LILRA1: variants seen among roughly 807,000 people sequenced by gnomAD.
The protein encoded by LILRA1 is leukocyte immunoglobulin-like receptor subfamily A member 1.
Under a neutral mutation model 51.6 loss-of-function variants are expected in LILRA1, and 51 were observed. The ratio of observed to expected loss-of-function variants is 0.99; its 90% CI spans 0.79 to 1.25. LILRA1 has a LOEUF of 1.25. Among genes scored for constraint, LILRA1 ranks in the 50% most tolerant of loss-of-function variants. The probability of loss-of-function intolerance (pLI) is 0.00; values close to 1 mark genes in which losing one functional copy is unlikely to be tolerated. For synonymous variants in LILRA1, 305 were observed against 248.4 expected, an observed-to-expected ratio of 1.23 and a Z score of -2.14; for missense variants, 660 against 611.7, an observed-to-expected ratio of 1.08 and a Z score of -0.83.
rs1246857258 is a variant in LILRA1, at chr19:54,600,469, G to T, written c.1313-43G>T. The T allele has an allele frequency of 3.1e-6, 5 of 1,604,830 alleles. No homozygotes were observed. The Admixed American group carries it at 5.0e-5, about 16-fold the overall frequency. Reference sequence around the variant, plus strand: ...GAAGATAAGAATGCAGAGCCCAGGGGAGAGGCTGGCTCAGGGCTCTTCCCC... The same window carrying T: ...GAAGATAAGAATGCAGAGCCCAGGGTAGAGGCTGGCTCAGGGCTCTTCCCC... On this transcript the variant is annotated intron_variant, in intron 8 of 9. Transcript: ENST00000251372.
Position 54,594,666 on chromosome 19 carries a change from G to A in LILRA1, c.72G>A (p.Gly24=), listed in dbSNP as rs765286954. 9.3e-6 allele frequency: 15 copies of A among 1,612,288 alleles called. No individual in the cohort carries two copies. Among genetic ancestry groups the A allele is most frequent in the Non-Finnish European group, 1.3e-5 (15 of 1,179,234 alleles). ...SLGPRTHVQA[G]TLPKPTLWAE... ...ATCTGAACTCTGATTTCCTTCCAGG[G>A]ACCCTCCCCAAGCCCACACTCTGGG... is the stretch of plus-strand genomic sequence containing the variant. Residue 24 remains glycine, a splice_region_variant and synonymous_variant, in exon 4 of 10, where the codon GGG becomes GGA. Coordinates refer to ENST00000251372, the MANE Select transcript of LILRA1 (RefSeq NM_006863.4).
In LILRA1 at chr19:54,596,371, G is replaced by C; in HGVS notation, c.1141G>C (p.Glu381Gln). 6.2e-7 allele frequency: 1 copy of C among 1,614,072 alleles called. No individual in the cohort carries two copies. Among genetic ancestry groups the C allele is most frequent in the Non-Finnish European group, 8.5e-7 (1 of 1,179,998 alleles). ...ACACGAATATCCTAAGTACCAGGCTGAATTCCCTATGAGTCCTGTGACCTC... is the reference window on the plus strand; with the variant it reads ...ACACGAATATCCTAAGTACCAGGCTCAATTCCCTATGAGTCCTGTGACCTC... ...SIHEYPKYQAEFPMSPVTSAH... is the reference protein window; with the variant it reads ...SIHEYPKYQAQFPMSPVTSAH... Residue 381 changes from glutamate (E) to glutamine (Q), a missense_variant, in exon 7 of 10, where the codon GAA becomes CAA. Physicochemically the swap from Glu to Gln is conservative, Grantham distance 29. Transcript: ENST00000251372.
rs1974982 is a variant in LILRA1 at position 54,594,278 on chromosome 19, A to T, written c.34A>T (p.Arg12Trp). The change falls in exon 2 of 10, where the codon AGG becomes TGG. Residue 12 changes from arginine (R) to tryptophan (W), a missense_variant and splice_region_variant. Transcript: ENST00000251372. The stretch of plus-strand genomic sequence containing the variant: ...CATCGTCACAGTCCTGATCTGTCTC[A>T]GTGAGATTTGAAGAGGGAGGGGAGC... ...TPIVTVLICLRLSLGPRTHVQ... is the reference protein window; with the variant it reads ...TPIVTVLICLWLSLGPRTHVQ... The T allele has an allele frequency of 6.2e-7, 1 of 1,604,452 alleles. No homozygotes were observed. Among genetic ancestry groups the T allele is most frequent in the Non-Finnish European group, 8.5e-7 (1 of 1,174,532 alleles).
At position 54,594,716 on chromosome 19, in the gene LILRA1, AG is replaced by A. The variant is rs773855809; in HGVS notation, c.126del (p.Ser43ValfsTer3). 14 of 1,613,910 alleles carry A rather than the reference AG, an allele frequency of 8.7e-6. No individual in the cohort carries two copies. The highest frequency in any genetic ancestry group is 1.2e-5 in the Non-Finnish European group (14 of 1,179,870). ...LWAEPGSVIT[Q>X]GSPVTLWCQG... is the part of the protein sequence containing the mutation. ...GCTGAGCCAGGCTCTGTGATCACCCAGGGGAGTCCCGTGACCCTCTGGTGTC... is the reference window on the plus strand; with the variant it reads ...GCTGAGCCAGGCTCTGTGATCACCCAGGGAGTCCCGTGACCCTCTGGTGTC... On this transcript the variant is annotated frameshift_variant, in exon 4 of 10. Transcript: ENST00000251372. LOFTEE classifies it high-confidence loss of function.
chr19:54,598,577 T>C (rs2063107034), intron 7 of LILRA1, among the ~76,000 whole-genome samples: 1 of 152,148 alleles, frequency 6.6e-6, no homozygotes, highest in Admixed American at 6.5e-5. Flanking sequence ...TAAATAAACG[T>C]CTTTTATATG....
chr19:54,599,247 A>G lies in LILRA1; in HGVS notation c.1273A>G (p.Thr425Ala). The G allele has an allele frequency of 1.9e-6, 3 of 1,573,972 alleles. No individual in the cohort carries two copies. The highest frequency in any genetic ancestry group is 2.2e-5 in the South Asian group (2 of 90,670). ...GTTTTGATTCTCAGGAGCAGCTGAGACCCTCAGCCCACCACAAAACAAGTC... is the reference window on the plus strand; with the variant it reads ...GTTTTGATTCTCAGGAGCAGCTGAGGCCCTCAGCCCACCACAAAACAAGTC... ...LELMVSGAAE[T>A]LSPPQNKSDS... The change falls in exon 8 of 10, where the codon ACC becomes GCC. Residue 425 changes from threonine (T) to alanine (A), a missense_variant. By Grantham distance (58) the Thr-to-Ala change is moderately conservative. Coordinates refer to ENST00000251372, the MANE Select transcript of LILRA1 (RefSeq NM_006863.4).
chr19:54,596,980 T>C (rs8103220), intron 7 of LILRA1, among the ~76,000 whole-genome samples: 20,762 of 111,362 alleles, frequency 0.19, 2,992 homozygotes, highest in African/African-American at 0.41. Flanking sequence ...CCCACCCTTG[T>C]AGTCTCAGTA....
In LILRA1 at chr19:54,595,127, C is replaced by T. The variant is rs757337221; in HGVS notation, c.386C>T (p.Ala129Val). The change falls in exon 5 of 10, where the codon GCT becomes GTT. Residue 129 changes from alanine to valine, a missense_variant. Physicochemically the swap from Ala to Val is moderately conservative, Grantham distance 64 (BLOSUM62 0). Coordinates refer to ENST00000251372, the MANE Select transcript of LILRA1 (RefSeq NM_006863.4). The part of the protein sequence containing the change: ...TGAYIKPTLS[A>V]LPSPVVTSGG... The stretch of plus-strand genomic sequence containing the variant: ...GCCTACATCAAACCCACCCTCTCAG[C>T]TCTACCCAGCCCTGTGGTGACCTCA... 32 of 1,613,900 alleles carry T rather than the reference C, an allele frequency of 2.0e-5. No individual in the cohort carries two copies. In the Admixed American group the frequency reaches 4.7e-4, roughly 24 times the overall value.
Position 54,600,822 on chromosome 19 carries a change from C to T in LILRA1, c.*5C>T. ...CACAGCCAGAGAAGCCTCTGAGATG[C>T]AGCCGGGAGGTGAACAGCAGAGAGA... On this transcript the variant is annotated 3_prime_UTR_variant, in exon 10 of 10. Transcript: ENST00000251372. The T allele has an allele frequency of 1.2e-6, 2 of 1,613,918 alleles. No individual in the cohort carries two copies. Among genetic ancestry groups the T allele is most frequent in the Non-Finnish European group, 1.7e-6 (2 of 1,179,830 alleles).
At position 54,601,140 on chromosome 19, in the gene LILRA1, T is replaced by C; in HGVS notation, c.*323T>C. 2.2e-6 allele frequency: 1 copy of C among 446,150 alleles called. No homozygotes were observed. The highest frequency in any genetic ancestry group is 4.1e-6 in the Non-Finnish European group (1 of 242,338). 27.6% of individuals were successfully genotyped at this position (446,150 alleles called of 1,614,324 possible). ...CATGGCAGCGTTGGGTCCACACCTC[T>C]GCACATCTGTGTGCTCTGGTCCATG... On this transcript the variant is annotated 3_prime_UTR_variant, in exon 10 of 10. Transcript: ENST00000251372.
chr19:54,594,903 C>A lies in LILRA1; in HGVS notation c.309C>A (p.His103Gln), dbSNP rs200145256. Residue 103 changes from histidine (H) to glutamine (Q), a missense_variant, in exon 4 of 10, where the codon CAC (histidine) becomes CAA (glutamine). His to Gln is a conservative substitution (Grantham distance 24). Coordinates refer to ENST00000251372, the MANE Select transcript of LILRA1 (RefSeq NM_006863.4). ...TGRYRCFYGS[H>Q]TAGWSEPSDP... Reference sequence around the variant, plus strand: ...GGTATCGCTGTTTCTACGGTAGCCACACTGCAGGCTGGTCAGAGCCCAGTG... The same window carrying A: ...GGTATCGCTGTTTCTACGGTAGCCAAACTGCAGGCTGGTCAGAGCCCAGTG... 1.9e-6 allele frequency: 3 copies of A among 1,614,122 alleles called. No individual in the cohort carries two copies. In the South Asian group the frequency reaches 3.3e-5, roughly 18 times the overall value.
At chr19:54,599,808 A>G in intron 8 of LILRA1, 1 of 233,688 alleles carries the variant, frequency 4.3e-6, no homozygotes, top group Non-Finnish European at 7.3e-6. Context: ...GCATATGCTT[A>G]ATATATTTGA....
rs1488289878 is a variant in LILRA1, at chr19:54,601,611, C to T, written c.*794C>T. On this transcript the variant is annotated 3_prime_UTR_variant, in exon 10 of 10. Coordinates refer to ENST00000251372, the MANE Select transcript of LILRA1 (RefSeq NM_006863.4). ...AGACTTCCTGCCTTTCCAGGCAGAA[C>T]CAAAGTACACCACGTCAAAAGCAAT... 6.6e-6 allele frequency: 1 copy of T among 152,208 alleles called. No individual in the cohort carries two copies. Among genetic ancestry groups the T allele is most frequent in the Non-Finnish European group, 1.5e-5 (1 of 68,044 alleles). The allele number at this position is 152,208 out of a possible 1,614,324, so 9.4% of individuals were successfully genotyped here.
intron 3 of LILRA1, 86 bp from the exon 4 acceptor site, chr19:54,594,579 T>TGG (rs954145470): frequency 1.2e-6 from 2 of 1,610,742 alleles, no homozygotes. Flanking sequence ...GACTGACTGA[T>TGG]GGGGGCATCT....
In LILRA1 at chr19:54,596,228, G is replaced by A. The variant is rs1201927844; in HGVS notation, c.998G>A (p.Gly333Asp). The change falls in exon 7 of 10, where the codon GGC (glycine) becomes GAC (aspartate). Residue 333 changes from glycine to aspartate, a missense_variant. By Grantham distance (94) the Gly-to-Asp change is moderately conservative. Transcript: ENST00000251372. ...RGRPFISVHP[G>D]PTVASGENVT... The stretch of plus-strand genomic sequence containing the variant: ...AGACCCTTCATCTCGGTGCATCCGG[G>A]CCCCACGGTGGCCTCAGGAGAGAAC... 2.5e-6 allele frequency: 4 copies of A among 1,613,858 alleles called. No homozygotes were observed. The African/African-American group carries it at 5.3e-5, about 22-fold the overall frequency.
chr19:54,594,385 G>A (rs2062974787), intron 2 of LILRA1, 56 bp from the exon 3 acceptor site: 2 of 1,614,222 alleles, frequency 1.2e-6, no homozygotes, highest in African/African-American at 1.3e-5. Context: ...ATCCCAGGGA[G>A]GGGAGGACCT....
rs1428167966 is a variant in LILRA1 at position 54,601,560 on chromosome 19, C to T, written c.*743C>T. On this transcript the variant is annotated 3_prime_UTR_variant, in exon 10 of 10. Transcript: ENST00000251372. ...TTCTGTCTGAAAACATTTCAATCTCCTTTGACCTGTGAGCTCCTCACTTCG... is the reference window on the plus strand; with the variant it reads ...TTCTGTCTGAAAACATTTCAATCTCTTTTGACCTGTGAGCTCCTCACTTCG... The T allele has an allele frequency of 6.6e-6, 1 of 152,306 alleles. No individual in the cohort carries two copies. Among genetic ancestry groups the T allele is most frequent in the Non-Finnish European group, 1.5e-5 (1 of 68,098 alleles). 9.4% of individuals were successfully genotyped at this position (152,306 alleles called of 1,614,324 possible). A position where few individuals can be genotyped will look rare whatever the true frequency, so the allele number is the denominator to read the frequency against.
rs1339443254 is a variant in LILRA1 at position 54,596,315 on chromosome 19, C to T, written c.1085C>T (p.Ala362Val). 1 of 1,614,148 alleles carries T rather than the reference C, an allele frequency of 6.2e-7. No homozygotes were observed. Among genetic ancestry groups the T allele is most frequent in the South Asian group, 1.1e-5 (1 of 91,082 alleles). The change falls in exon 7 of 10, where the codon GCA (alanine) becomes GTA (valine). Residue 362 changes from alanine (A) to valine (V), a missense_variant. Physicochemically the swap from Ala to Val is moderately conservative, Grantham distance 64 (BLOSUM62 0). Coordinates refer to ENST00000251372, the MANE Select transcript of LILRA1 (RefSeq NM_006863.4). ...FHTFLLTKAG[A>V]ADAPLRLRSI... Reference sequence around the variant, plus strand: ...ACTTTCCTTCTGACCAAGGCGGGAGCAGCTGATGCCCCCCTCCGTCTCAGA... The same window carrying T: ...ACTTTCCTTCTGACCAAGGCGGGAGTAGCTGATGCCCCCCTCCGTCTCAGA...
chr19:54,595,611 C>A, intron 5 of LILRA1, 28 bp from the exon 6 acceptor site: 1 of 1,588,420 alleles, frequency 6.3e-7, no homozygotes, highest in Non-Finnish European at 8.6e-7. Flanking sequence ...AGGGTCGGCT[C>A]CTGGAAACCA....
Sources: allele counts gnomAD v4.1 joint callset (sites outside exome capture counted in the v4.1 genomes callset), GRCh38; gene constraint gnomAD v4.1.1; transcripts MANE v1.5; gene names NCBI Gene and HGNC (gene_info 2026-07-23, HGNC 2026-07-21).